Variants in SLC34A2 observed in about 807,000 individuals in gnomAD.
SLC34A2 encodes sodium-dependent phosphate transport protein 2B.
A neutral mutation model predicts 50.8 loss-of-function variants in SLC34A2; 41 were observed. The ratio of observed to expected loss-of-function variants is 0.81; its 90% CI spans 0.63 to 1.05. The LOEUF (loss-of-function observed/expected upper bound fraction) is 1.05. SLC34A2 is among the 50% of genes least tolerant of loss of function. The pLI is 0.00. For synonymous variants in SLC34A2, 401 were observed against 364.2 expected, an observed-to-expected ratio of 1.10 and a Z score of -1.15; for missense variants, 879 against 876.7, an observed-to-expected ratio of 1.00 and a Z score of -0.03.
rs145019028 is a variant in SLC34A2, at chr4:25,657,581, A to G, written c.-4+1691A>G. 1.3e-3 allele frequency among the ~76,000 whole-genome samples: 204 copies of G among 152,364 alleles called. 1 individual carries two copies. Among genetic ancestry groups the G allele is most frequent in the African/African-American group, 4.5e-3 (189 of 41,584 alleles). On this transcript the variant is annotated intron_variant, in intron 1 of 12. Coordinates refer to ENST00000382051, the MANE Select transcript of SLC34A2 (RefSeq NM_006424.3). The stretch of plus-strand genomic sequence containing the variant: ...TTTACAGGATTTATTTTAAGATATC[A>G]TAAATACAAATTGATAGTGCATGGT...
At chr4:25,665,188 CAG>C (rs1476935086) in intron 4 of SLC34A2, 6 of 155,646 alleles carry the variant, frequency 3.9e-5, no homozygotes, top group Admixed American at 1.7e-4. Flanking sequence ...TTTTTTGAGA[CAG>C]AGTTTCACTC....
intron 1 of SLC34A2, among the ~76,000 whole-genome samples, chr4:25,659,933 G>T (rs1714092155): frequency 6.6e-6 from 1 of 152,190 alleles, no homozygotes; most frequent in African/African-American, 2.4e-5. Context: ...AGATGATGCT[G>T]TGAATGGGAA....
rs1420367009 is a variant in SLC34A2 at position 25,670,901 on chromosome 4, G to T, written c.927+68G>T. 4.7e-6 allele frequency: 6 copies of T among 1,282,754 alleles called. No individual in the cohort carries two copies. The East Asian group carries it at 7.2e-5, about 15-fold the overall frequency. 79.5% of individuals were successfully genotyped at this position (1,282,754 alleles called of 1,614,324 possible). On this transcript the variant is annotated intron_variant, in intron 8 of 12. Coordinates refer to ENST00000382051, the MANE Select transcript of SLC34A2 (RefSeq NM_006424.3). Reference sequence around the variant, plus strand: ...GCATCTGAACATGAAACTAAATCTTGCCTTCAAGGAAGGTAAATAGAAAGT... The same window carrying T: ...GCATCTGAACATGAAACTAAATCTTTCCTTCAAGGAAGGTAAATAGAAAGT...
rs1443158686 is a variant in SLC34A2, at chr4:25,677,122, A to G, written c.*373A>G. 4 of 273,776 alleles carry G rather than the reference A, an allele frequency of 1.5e-5. No homozygotes were observed. The East Asian group carries it at 3.3e-4, about 22-fold the overall frequency. The allele number at this position is 273,776 out of a possible 1,614,324, so 17.0% of individuals were successfully genotyped here. A position where few individuals can be genotyped will look rare whatever the true frequency, so the allele number is the denominator to read the frequency against. Reference sequence around the variant, plus strand: ...AAGGCCCAGGGAAGGAATGTATGAGAGGCTCTCCCAGATGAGGAAGTGTAC... The same window carrying G: ...AAGGCCCAGGGAAGGAATGTATGAGGGGCTCTCCCAGATGAGGAAGTGTAC... On this transcript the variant is annotated 3_prime_UTR_variant, in exon 13 of 13. Transcript: ENST00000382051.
At position 25,667,563 on chromosome 4, in the gene SLC34A2, G is replaced by A. The variant is rs1009402858; in HGVS notation, c.524-317G>A. Among the ~76,000 whole-genome samples the A allele has an allele frequency of 7.9e-5, 12 of 152,196 alleles. 1 individual carries two copies. Among genetic ancestry groups the A allele is most frequent in the Admixed American group, 2.0e-4 (3 of 15,268 alleles). The stretch of plus-strand genomic sequence containing the variant: ...AAAAAACTGATGCTTCCTTAAAGGC[G>A]AGCCTGTGTGCCATGCACAACTGAC... On this transcript the variant is annotated intron_variant, in intron 5 of 12. Coordinates refer to ENST00000382051, the MANE Select transcript of SLC34A2 (RefSeq NM_006424.3).
At chr4:25,663,881 T>G (rs1459639303) in intron 3 of SLC34A2, among the ~76,000 whole-genome samples, 3 of 152,180 alleles carry the variant, frequency 2.0e-5, no homozygotes, top group Non-Finnish European at 2.9e-5. Context: ...CCTCACTCAG[T>G]GACACTGTGG....
At position 25,657,357 on chromosome 4, in the gene SLC34A2, C is replaced by T. The variant is rs906747040; in HGVS notation, c.-4+1467C>T. On this transcript the variant is annotated intron_variant, in intron 1 of 12. Transcript: ENST00000382051. ...TCCTCCATCCTCACCCACACCCCCA[C>T]TTCCATTCTGGGGACCGCAGGGAGC... is the stretch of plus-strand genomic sequence containing the variant. Among the ~76,000 whole-genome samples, 9 of 152,184 alleles carry T rather than the reference C, an allele frequency of 5.9e-5. No homozygotes were observed. In the East Asian group the frequency reaches 9.6e-4, roughly 16 times the overall value.
At chr4:25,667,215 G>A (rs1714545034) in intron 5 of SLC34A2, 1 of 153,036 alleles carries the variant, frequency 6.5e-6, no homozygotes, top group African/African-American at 2.4e-5. Flanking sequence ...ATCCAGCACA[G>A]AAATGATGCT....
In SLC34A2 at chr4:25,674,575, C is replaced by A; in HGVS notation, c.1404C>A (p.Thr468=). The change falls in exon 12 of 13, where the codon ACC becomes ACA. Residue 468 remains threonine, a synonymous_variant. Transcript: ENST00000382051. ...GCTCCAACATCGGCACCACCACCAC[C>A]GCCATCCTGGCCGCCTTAGCCAGCC... ...TLGSNIGTTT[T]AILAALASPG... is the part of the protein sequence containing the mutation. 2 of 1,614,232 alleles carry A rather than the reference C, an allele frequency of 1.2e-6. No homozygotes were observed. The highest frequency in any genetic ancestry group is 1.7e-6 in the Non-Finnish European group (2 of 1,180,046).
At position 25,662,731 on chromosome 4, in the gene SLC34A2, A is replaced by G. The variant is rs1219154333; in HGVS notation, c.139A>G (p.Lys47Glu). The G allele has an allele frequency of 5.6e-6, 9 of 1,613,916 alleles. No homozygotes were observed. Among genetic ancestry groups the G allele is most frequent in the Non-Finnish European group, 7.6e-6 (9 of 1,180,010 alleles). Residue 47 changes from lysine (K) to glutamate (E), a missense_variant, in exon 3 of 13, where the codon AAG (lysine) becomes GAG (glutamate). Lys to Glu is a moderately conservative substitution (Grantham distance 56). Transcript: ENST00000382051. ...AGATAACACTGAGGCACCTGTAACCAAGATTGAACTTCTGCCGTCCTACTC... is the reference window on the plus strand; with the variant it reads ...AGATAACACTGAGGCACCTGTAACCGAGATTGAACTTCTGCCGTCCTACTC... ...KTDNTEAPVT[K>E]IELLPSYSTA... is the part of the protein sequence containing the mutation.
chr4:25,671,762 G>A (rs1290619755), intron 9 of SLC34A2, 41 bp downstream of exon 9: 1 of 1,613,988 alleles, frequency 6.2e-7, no homozygotes, highest in Admixed American at 1.7e-5. Context: ...GACAGGTGTT[G>A]TCTGGGGGTG....
rs756035307 is a variant in SLC34A2 at position 25,666,152 on chromosome 4, G to A, written c.404G>A (p.Ser135Asn). 71 of 1,613,770 alleles carry A rather than the reference G, an allele frequency of 4.4e-5. No homozygotes were observed. Among genetic ancestry groups the A allele is most frequent in the Non-Finnish European group, 5.7e-5 (67 of 1,180,040 alleles). The change falls in exon 5 of 13, where the codon AGC becomes AAC. Residue 135 changes from serine to asparagine, a missense_variant. Ser to Asn is a conservative substitution (Grantham distance 46). Coordinates refer to ENST00000382051, the MANE Select transcript of SLC34A2 (RefSeq NM_006424.3). ...GGAAAAATGGCAGGACAGTTCTTCA[G>A]CAACAGCTCTATTATGTCCAACCCT... Reference protein sequence around the residue: ...VGGKMAGQFFSNSSIMSNPLL... With the variant: ...VGGKMAGQFFNNSSIMSNPLL...
In SLC34A2 at chr4:25,666,188, T is replaced by TG; in HGVS notation, c.442dup (p.Val148GlyfsTer62). The TG allele has an allele frequency of 6.2e-7, 1 of 1,614,102 alleles. No homozygotes were observed. The highest frequency in any genetic ancestry group is 1.1e-5 in the South Asian group (1 of 91,084). On this transcript the variant is annotated frameshift_variant, in exon 5 of 13. Coordinates refer to ENST00000382051, the MANE Select transcript of SLC34A2 (RefSeq NM_006424.3). LOFTEE classifies it high-confidence loss of function. ...ATTATGTCCAACCCTTTGTTGGGGC[T>TG]GGTGATCGGGGTGCTGGTGACCGTC...
chr4:25,665,532 T>G (rs1410649931), intron 4 of SLC34A2, among the ~76,000 whole-genome samples: 1 of 152,068 alleles, frequency 6.6e-6, no homozygotes, highest in Non-Finnish European at 1.5e-5. Flanking sequence ...TGCTGTCTGG[T>G]TATCTCAGAC....
intron 1 of SLC34A2, among the ~76,000 whole-genome samples, chr4:25,660,392 G>A (rs530100215): frequency 3.3e-5 from 5 of 152,338 alleles, no homozygotes; most frequent in Admixed American, 6.5e-5. Flanking sequence ...GGTCACAGAC[G>A]TGTGATGAAC....
Position 25,664,206 on chromosome 4 carries a change from A to G in SLC34A2, c.255A>G (p.Arg85=). The G allele has an allele frequency of 6.7e-7, 1 of 1,495,162 alleles. No individual in the cohort carries two copies. Among genetic ancestry groups the G allele is most frequent in the Non-Finnish European group, 9.2e-7 (1 of 1,089,322 alleles). The allele number at this position is 1,495,162 out of a possible 1,614,324, so 92.6% of individuals were successfully genotyped here. ...CCCCATCCCACCCCCCTGCAGAGAG[A>G]GACACCAAAGGGAAGATTCTCTGTT... is the stretch of plus-strand genomic sequence containing the variant. ...LQDSGIKWSE[R]DTKGKILCFF... The change falls in exon 4 of 13, where the codon AGA becomes AGG. Residue 85 remains arginine (R), a synonymous_variant. Transcript: ENST00000382051.
Position 25,670,819 on chromosome 4 carries a change from A to G in SLC34A2, c.913A>G (p.Thr305Ala). 1.2e-6 allele frequency: 2 copies of G among 1,613,722 alleles called. No homozygotes were observed. The highest frequency in any genetic ancestry group is 1.1e-5 in the South Asian group (1 of 91,044). ...GAGTCTTGTCAAGATTTGGTGCAAA[A>G]CTTTTACCAACAAGGTACGTTTCCA... The part of the protein sequence containing the change: ...NKSLVKIWCK[T>A]FTNKTQINVT... Residue 305 changes from threonine to alanine, a missense_variant, in exon 8 of 13, where the codon ACT (threonine) becomes GCT (alanine). By Grantham distance (58) the Thr-to-Ala change is moderately conservative. Coordinates refer to ENST00000382051, the MANE Select transcript of SLC34A2 (RefSeq NM_006424.3).
At position 25,669,787 on chromosome 4, in the gene SLC34A2, A is replaced by T; in HGVS notation, c.776A>T (p.Asp259Val). Residue 259 changes from aspartate (D) to valine (V), a missense_variant, in exon 7 of 13, where the codon GAT becomes GTT. Coordinates refer to ENST00000382051, the MANE Select transcript of SLC34A2 (RefSeq NM_006424.3). ...AGCTTCCACTTCAAGAATGGAGAAGATGCCCCAGATCTTCTGAAAGTCATC... is the reference window on the plus strand; with the variant it reads ...AGCTTCCACTTCAAGAATGGAGAAGTTGCCCCAGATCTTCTGAAAGTCATC... ...VESFHFKNGE[D>V]APDLLKVITK... The T allele has an allele frequency of 6.2e-7, 1 of 1,614,220 alleles. No individual in the cohort carries two copies. The highest frequency in any genetic ancestry group is 8.5e-7 in the Non-Finnish European group (1 of 1,180,042).
At chr4:25,670,456 T>C (rs914294212) in intron 7 of SLC34A2, among the ~76,000 whole-genome samples, 1 of 152,180 alleles carries the variant, frequency 6.6e-6, no homozygotes, top group African/African-American at 2.4e-5. Context: ...ATCTACCCTT[T>C]CCTGCCTAGA....
Sources: gnomAD v4.1 joint callset for allele counts (sites outside exome capture counted in the v4.1 genomes callset) on GRCh38, gnomAD v4.1.1 for gene constraint, MANE v1.5 for transcripts, NCBI Gene and HGNC (gene_info 2026-07-23, HGNC 2026-07-21) for gene names.